CSMD1: variants seen among roughly 807,000 people sequenced by gnomAD.
CSMD1 encodes CUB and sushi domain-containing protein 1.
A neutral mutation model predicts 417.5 loss-of-function variants in CSMD1; 213 were observed. The ratio of observed to expected loss-of-function variants is 0.51; its 90% CI spans 0.46 to 0.57. CSMD1 has a LOEUF of 0.57. Ranked by LOEUF, CSMD1 falls within the 20% of genes least tolerant of loss-of-function variation. CSMD1 has a pLI of 0.00. For synonymous variants in CSMD1, 2,862 were observed against 1,736.8 expected, an observed-to-expected ratio of 1.65 and a Z score of -16.11; for missense variants, 6,923 against 4,529.7, an observed-to-expected ratio of 1.53 and a Z score of -15.17.
intron 5 of CSMD1, among the ~76,000 whole-genome samples, chr8:3,985,860 C>T (rs968057414): frequency 7.3e-5 from 11 of 151,500 alleles, no homozygotes; most frequent in African/African-American, 2.4e-4. Flanking sequence ...TCTGTCTGAG[C>T]ATCAGATAAT....
intron 16 of CSMD1, among the ~76,000 whole-genome samples, chr8:3,398,547 A>G (rs933443918): frequency 6.6e-6 from 1 of 152,208 alleles, no homozygotes; most frequent in African/African-American, 2.4e-5. Context: ...AATACAATGA[A>G]GTTCATCTAT....
intron 5 of CSMD1, among the ~76,000 whole-genome samples, chr8:3,943,667 G>T (rs1393901841): frequency 6.6e-6 from 1 of 151,986 alleles, no homozygotes; most frequent in Admixed American, 6.6e-5. Flanking sequence ...AGTCAACAGG[G>T]GTCCCCTGCT....
At chr8:4,264,828 C>G (rs1466196870) in intron 3 of CSMD1, among the ~76,000 whole-genome samples, 1 of 152,120 alleles carries the variant, frequency 6.6e-6, no homozygotes, top group Admixed American at 6.5e-5. Flanking sequence ...CATCAATAAA[C>G]TAAGGATAAT....
intron 1 of CSMD1, among the ~76,000 whole-genome samples, chr8:4,749,761 T>C (rs940612177): frequency 6.6e-6 from 1 of 152,208 alleles, no homozygotes; most frequent in African/African-American, 2.4e-5. Flanking sequence ...ATACACCATC[T>C]AGATGCATTA....
chr8:4,154,734 T>G (rs149607838), intron 3 of CSMD1, among the ~76,000 whole-genome samples: 2 of 152,202 alleles, frequency 1.3e-5, no homozygotes, highest in Non-Finnish European at 2.9e-5. Context: ...ACCTACCTTA[T>G]GCAAGTAAGG....
At chr8:3,964,387 C>T (rs189110790) in intron 5 of CSMD1, among the ~76,000 whole-genome samples, 2 of 152,168 alleles carry the variant, frequency 1.3e-5, no homozygotes, top group East Asian at 3.9e-4. Context: ...GTATCAATTC[C>T]AACGTATAAT....
intron 5 of CSMD1, among the ~76,000 whole-genome samples, chr8:3,986,600 A>T (rs1180847074): frequency 6.6e-6 from 1 of 152,036 alleles, no homozygotes; most frequent in East Asian, 1.9e-4. Flanking sequence ...ATTTTTTCCC[A>T]AGCCATGCAA....
At chr8:3,751,576 T>A (rs1797345499) in intron 6 of CSMD1, among the ~76,000 whole-genome samples, 1 of 150,766 alleles carries the variant, frequency 6.6e-6, no homozygotes, top group African/African-American at 2.4e-5. Flanking sequence ...TTTAATTCTA[T>A]AATGTAGTTG....
intron 18 of CSMD1, among the ~76,000 whole-genome samples, chr8:3,383,392 T>C (rs972636986): frequency 6.6e-6 from 1 of 151,888 alleles, no homozygotes; most frequent in Admixed American, 6.6e-5. Context: ...ACCTCATGCA[T>C]GGAGGGAAGC....
Position 4,185,434 on chromosome 8 carries a change from T to A in CSMD1, c.416-153335A>T, listed in dbSNP as rs73658443. On this transcript the variant is annotated intron_variant, in intron 3 of 69. Transcript: ENST00000635120. ...AATAAACATACACGTGTGAGCTTGA[T>A]AAATAATGATTTTAAAAACAGCATA... 6.9e-3 allele frequency among the ~76,000 whole-genome samples: 1,050 copies of A among 152,204 alleles called. 14 individuals carry two copies. The highest frequency in any genetic ancestry group is 0.024 in the African/African-American group (1,015 of 41,542).
intron 5 of CSMD1, among the ~76,000 whole-genome samples, chr8:3,755,048 G>C (rs985373419): frequency 1.3e-5 from 2 of 152,210 alleles, no homozygotes; most frequent in Non-Finnish European, 2.9e-5. Flanking sequence ...GTGCAGTTTA[G>C]TTGTCAGAAA....
chr8:3,742,377 C>A (rs1796850111), intron 6 of CSMD1, among the ~76,000 whole-genome samples: 1 of 152,128 alleles, frequency 6.6e-6, no homozygotes, highest in South Asian at 2.1e-4. Context: ...GAATATTTTT[C>A]AAGAACTATA....
chr8:3,552,713 G>T (rs1012657046), intron 10 of CSMD1, among the ~76,000 whole-genome samples: 1 of 152,108 alleles, frequency 6.6e-6, no homozygotes, highest in Non-Finnish European at 1.5e-5. Flanking sequence ...TTTAGACTAC[G>T]AAATTATCTA....
chr8:3,226,305 G>A (rs73185503), intron 27 of CSMD1, among the ~76,000 whole-genome samples: 6 of 152,122 alleles, frequency 3.9e-5, no homozygotes, highest in Non-Finnish European at 7.4e-5. Context: ...AGTTGAAGCC[G>A]AACGTGGTGG....
chr8:3,308,524 G>A (rs770260119), intron 23 of CSMD1, 21 bp from the exon 24 acceptor site: 3 of 1,591,858 alleles, frequency 1.9e-6, no homozygotes, highest in East Asian at 2.3e-5. Context: ...GAAAGGCAAG[G>A]AATGAACAGA....
chr8:3,290,658 T>A (rs536564249), intron 25 of CSMD1, among the ~76,000 whole-genome samples: 2 of 147,430 alleles, frequency 1.4e-5, no homozygotes, highest in South Asian at 4.2e-4. Flanking sequence ...ATAGTTGTGA[T>A]TTTTGCACAT....
intron 1 of CSMD1, among the ~76,000 whole-genome samples, chr8:4,687,161 C>T (rs1001148861): frequency 2.6e-5 from 4 of 152,148 alleles, no homozygotes; most frequent in Non-Finnish European, 5.9e-5. Context: ...CGCTGCCAGC[C>T]AGAGAGGCAG....
intron 3 of CSMD1, among the ~76,000 whole-genome samples, chr8:4,277,793 G>A (rs559654854): frequency 6.6e-6 from 1 of 152,068 alleles, no homozygotes; most frequent in African/African-American, 2.4e-5. Context: ...TGTTGCCCAG[G>A]CTGGAGTGCA....
chr8:4,552,330 C>T (rs1797910292), intron 2 of CSMD1, among the ~76,000 whole-genome samples: 2 of 152,056 alleles, frequency 1.3e-5, no homozygotes, highest in South Asian at 4.1e-4. Context: ...TCAAATCTCA[C>T]ATTCTTTTTT....
Sources: allele counts gnomAD v4.1 joint callset (sites outside exome capture counted in the v4.1 genomes callset), GRCh38; gene constraint gnomAD v4.1.1; transcripts MANE v1.5; gene names NCBI Gene and HGNC (gene_info 2026-07-23, HGNC 2026-07-21).